Variants in PDE4C observed in about 807,000 individuals in gnomAD.
The protein encoded by PDE4C is 3',5'-cyclic-AMP phosphodiesterase 4C.
Under a neutral mutation model 63.9 loss-of-function variants are expected in PDE4C, and 50 were observed. The observed-to-expected ratio is 0.78, with a 90% CI of 0.62 to 0.99. The LOEUF is 0.99. Among genes scored for constraint, PDE4C ranks in the 50% least tolerant of loss-of-function variants. The pLI, the probability that PDE4C is intolerant of heterozygous loss-of-function variation, is 0.00. For missense variants in PDE4C, 777 were observed against 899.1 expected, an observed-to-expected ratio of 0.86 and a Z score of 1.74; for synonymous variants, 377 against 385.1, an observed-to-expected ratio of 0.98 and a Z score of 0.25.
At chr19:18,242,785 C>CAAAAAAAAA (rs11381255) in intron 1 of PDE4C, among the ~76,000 whole-genome samples, 1 of 109,424 alleles carries the variant, frequency 9.1e-6, no homozygotes, top group Non-Finnish European at 1.8e-5. Context: ...ACTTTCACCT[C>CAAAAAAAAA]AAAAAAAAAA....
upstream of PDE4C, among the ~76,000 whole-genome samples, chr19:18,234,445 G>A (rs1475655963): frequency 6.6e-6 from 1 of 152,130 alleles, no homozygotes; most frequent in Admixed American, 6.5e-5. Context: ...TTAGTCTCAG[G>A]GGTAATTTCC....
chr19:18,233,288 G>T, exon 1 of PDE4C: 5 of 1,502,198 alleles, frequency 3.3e-6, no homozygotes, highest in Non-Finnish European at 2.7e-6. Context: ...CCAGGGCCGG[G>T]AGTGGAGGCG....
chr19:18,216,360 C>T (rs1369304156), intron 12 of PDE4C, among the ~76,000 whole-genome samples: 2 of 151,720 alleles, frequency 1.3e-5, no homozygotes, highest in Non-Finnish European at 2.9e-5. Context: ...CTACAGCCTC[C>T]GCCTCCTGGG....
At chr19:18,235,962 T>C (rs1968943229), upstream of PDE4C, among the ~76,000 whole-genome samples, 1 of 151,982 alleles carries the variant, frequency 6.6e-6, no homozygotes, top group Non-Finnish European at 1.5e-5. Flanking sequence ...GTTTGTTTTG[T>C]TTTGTTTTTA....
intron 1 of PDE4C, among the ~76,000 whole-genome samples, chr19:18,240,988 G>A (rs1407265200): frequency 6.6e-6 from 1 of 152,140 alleles, no homozygotes; most frequent in Admixed American, 6.6e-5. Flanking sequence ...CTTGAGCCAC[G>A]CTCAGATCTC....
At chr19:18,226,173 C>T (rs1968710865) in intron 1 of PDE4C, 97 bp downstream of exon 1, 3 of 1,003,814 alleles carry the variant, frequency 3.0e-6, no homozygotes, top group Non-Finnish European at 4.4e-6. Flanking sequence ...ACTCCGGCCC[C>T]GGCCCCAGCT....
intron 1 of PDE4C, among the ~76,000 whole-genome samples, chr19:18,238,944 C>T (rs1313916042): frequency 2.0e-5 from 3 of 151,366 alleles, no homozygotes; most frequent in African/African-American, 2.4e-5. Flanking sequence ...TGAGTGGAGA[C>T]CACACCACTG....
At chr19:18,232,293 G>A (rs1968864131) in intron 1 of PDE4C, among the ~76,000 whole-genome samples, 1 of 151,970 alleles carries the variant, frequency 6.6e-6, no homozygotes, top group South Asian at 2.1e-4. Flanking sequence ...AGCCTGGGAG[G>A]CAGAGGATGC....
chr19:18,219,281 C>G (rs1472102857), exon 8 of PDE4C: 1 of 1,614,206 alleles, frequency 6.2e-7, no homozygotes, highest in Admixed American at 1.7e-5. Flanking sequence ...AAGCGTGGGA[C>G]AGTGGCTGAG....
intron 1 of PDE4C, among the ~76,000 whole-genome samples, chr19:18,241,378 G>C (rs537968031): frequency 4.2e-5 from 6 of 143,566 alleles, no homozygotes; most frequent in Non-Finnish European, 9.0e-5. Flanking sequence ...ACCATTCTCC[G>C]GCCTCAGCTT....
chr19:18,231,832 T>C (rs1191331664), intron 1 of PDE4C, among the ~76,000 whole-genome samples: 2 of 152,040 alleles, frequency 1.3e-5, no homozygotes, highest in South Asian at 2.1e-4. Flanking sequence ...ACATTATCTT[T>C]CTATGAGTCT....
chr19:18,233,140 G>A lies in PDE4C; in HGVS notation c.52C>T (p.Arg18Cys), dbSNP rs202099292. 13 of 1,558,450 alleles carry A rather than the reference G, an allele frequency of 8.3e-6. No individual in the cohort carries two copies. The East Asian group carries it at 2.9e-4, about 34-fold the overall frequency. ...GTCATGCTGTGGCGGCCGCGAGAGC[G>A]ACTCAACCTGCTGCAAGCCTCTGCC... The change falls in exon 1 of 15, where the codon CGC becomes TGC. Residue 18 changes from arginine (R) to cysteine (C), a missense_variant. Physicochemically the swap from Arg to Cys is radical, Grantham distance 180 (BLOSUM62 -3). Transcript: ENST00000594465.
At chr19:18,254,559 T>C in the PDE4C span, among the ~76,000 whole-genome samples, 1 of 152,208 alleles carries the variant, frequency 6.6e-6, no homozygotes, top group Admixed American at 6.5e-5. Flanking sequence ...CTCAGTTTCC[T>C]GAGCTATGAA....
chr19:18,222,700 CTTTTTTTT>C (rs1199712120), intron 1 of PDE4C, among the ~76,000 whole-genome samples: 2 of 53,360 alleles, frequency 3.7e-5, no homozygotes, highest in Admixed American at 2.8e-4. Flanking sequence ...CCTTTCTTTT[CTTTTTTTT>C]TTTTTTTTTT....
chr19:18,231,048 G>C (rs1375494397), upstream of PDE4C, among the ~76,000 whole-genome samples: 1 of 152,220 alleles, frequency 6.6e-6, no homozygotes, highest in Non-Finnish European at 1.5e-5. Context: ...CCAGGCTCAG[G>C]CACAGAATAT....
the PDE4C span, among the ~76,000 whole-genome samples, chr19:18,253,914 T>G: frequency 8.5e-4 from 130 of 152,294 alleles, no homozygotes; most frequent in African/African-American, 3.1e-3. Context: ...TCATCAACTC[T>G]CTGCTCCACC....
intron 1 of PDE4C, among the ~76,000 whole-genome samples, chr19:18,241,012 T>G (rs1969025989): frequency 6.6e-6 from 1 of 152,166 alleles, no homozygotes; most frequent in South Asian, 2.1e-4. Context: ...CTTCTAGGAC[T>G]GTTCCCCGCA....
intron 1 of PDE4C, among the ~76,000 whole-genome samples, chr19:18,242,764 C>T (rs1301316330): frequency 7.3e-6 from 1 of 136,916 alleles, no homozygotes; most frequent in East Asian, 2.1e-4. Flanking sequence ...TAGCCTGGGC[C>T]ACAGAGCAAG....
At chr19:18,231,507 G>C (rs940379309) in intron 1 of PDE4C, among the ~76,000 whole-genome samples, 1 of 152,188 alleles carries the variant, frequency 6.6e-6, no homozygotes, top group Admixed American at 6.5e-5. Context: ...TGGGCTGTGG[G>C]AACCATCTAC....
Sources: allele counts gnomAD v4.1 joint callset (sites outside exome capture counted in the v4.1 genomes callset), GRCh38; gene constraint gnomAD v4.1.1; transcripts MANE v1.5; gene names NCBI Gene and HGNC (gene_info 2026-07-23, HGNC 2026-07-21).